Variants in SLC7A14 observed in about 807,000 individuals in gnomAD.
SLC7A14 encodes the protein solute carrier family 7 member 14.
SLC7A14 carries 37 observed loss-of-function variants against 60.2 expected under a neutral mutation model. That is an observed-to-expected ratio of 0.61 (90% CI 0.47 to 0.81). The LOEUF is 0.81. Among genes scored for constraint, SLC7A14 ranks in the 30% least tolerant of loss-of-function variants. The pLI, the probability that SLC7A14 is intolerant of heterozygous loss-of-function variation, is 0.00. For missense variants in SLC7A14, 886 were observed against 982.7 expected, an observed-to-expected ratio of 0.90 and a Z score of 1.32; for synonymous variants, 399 against 395.8, an observed-to-expected ratio of 1.01 and a Z score of -0.10.
chr3:170,473,028 A>C (rs1001591638), intron 7 of SLC7A14, among the ~76,000 whole-genome samples: 2 of 152,206 alleles, frequency 1.3e-5, no homozygotes, highest in African/African-American at 2.4e-5. Flanking sequence ...CTGTGTGATA[A>C]ATCAGTAATT....
intron 7 of SLC7A14, among the ~76,000 whole-genome samples, chr3:170,471,090 G>GTGTGTGTGTGTGTGTGTGTGT (rs1553864202): frequency 1.4e-5 from 2 of 146,356 alleles, no homozygotes; most frequent in African/African-American, 5.1e-5. Flanking sequence ...TCTGGGAAGG[G>GTGTGTGTGTGTGTGTGTGTGT]GTGTGTGTGT....
chr3:170,555,938 A>G (rs1236165406), intron 1 of SLC7A14, among the ~76,000 whole-genome samples: 1 of 152,168 alleles, frequency 6.6e-6, no homozygotes, highest in African/African-American at 2.4e-5. Context: ...AACATCTTTG[A>G]TGTTTGCTTA....
At chr3:170,568,689 G>A (rs1010403314) in intron 1 of SLC7A14, among the ~76,000 whole-genome samples, 4 of 152,146 alleles carry the variant, frequency 2.6e-5, no homozygotes, top group Admixed American at 6.5e-5. Context: ...ATTTCATTGA[G>A]CAGTGGTTTG....
At chr3:170,509,515 A>T (rs1049085829) in intron 2 of SLC7A14, among the ~76,000 whole-genome samples, 35 of 152,216 alleles carry the variant, frequency 2.3e-4, no homozygotes, top group Non-Finnish European at 4.6e-4. Flanking sequence ...TTGTTGATTA[A>T]ATGTAACCAA....
Position 170,480,363 on chromosome 3 carries a change from A to G in SLC7A14, c.1919T>C (p.Met640Thr). Residue 640 changes from methionine (M) to threonine (T), a missense_variant, in exon 7 of 8, where the codon ATG becomes ACG. Coordinates refer to ENST00000231706, the MANE Select transcript of SLC7A14 (RefSeq NM_020949.3). ...PCLPFVPAFA[M>T]LVNIYLMLKL... ...TAGCATGAGATAGATGTTCACCAGC[A>G]TGGCAAAGGCAGGCACAAAGGGGAG... The G allele has an allele frequency of 6.2e-7, 1 of 1,603,700 alleles. No individual in the cohort carries two copies. Among genetic ancestry groups the G allele is most frequent in the Non-Finnish European group, 8.5e-7 (1 of 1,174,536 alleles).
intron 4 of SLC7A14, among the ~76,000 whole-genome samples, chr3:170,487,614 A>C (rs576376133): frequency 6.6e-6 from 1 of 152,238 alleles, no homozygotes; most frequent in Non-Finnish European, 1.5e-5. Context: ...AATATGAAAT[A>C]CTAGAACCTG....
chr3:170,540,427 A>G (rs1713987641), intron 1 of SLC7A14, among the ~76,000 whole-genome samples: 2 of 152,102 alleles, frequency 1.3e-5, no homozygotes, highest in Admixed American at 1.3e-4. Context: ...TGCAACATAA[A>G]AGGTATATTT....
At position 170,532,445 on chromosome 3, in the gene SLC7A14, A is replaced by G. The variant is rs968890122; in HGVS notation, c.-152-5357T>C. Reference sequence around the variant, plus strand: ...ACAATTCAGGAACCAGGTGCCCTGCATGCAAATTCTGCCTCTGCCTTTACT... The same window carrying G: ...ACAATTCAGGAACCAGGTGCCCTGCGTGCAAATTCTGCCTCTGCCTTTACT... On this transcript the variant is annotated intron_variant, in intron 1 of 7. Coordinates refer to ENST00000231706, the MANE Select transcript of SLC7A14 (RefSeq NM_020949.3). The surrounding 1 kb of genome is among the most constrained non-coding windows in gnomAD (Gnocchi z 4.0). Among the ~76,000 whole-genome samples the G allele has an allele frequency of 2.6e-5, 4 of 152,200 alleles. No homozygotes were observed. Among genetic ancestry groups the G allele is most frequent in the Non-Finnish European group, 5.9e-5 (4 of 68,042 alleles).
chr3:170,513,281 G>T (rs947902198), intron 2 of SLC7A14, among the ~76,000 whole-genome samples: 1 of 151,864 alleles, frequency 6.6e-6, no homozygotes, highest in Admixed American at 6.6e-5. Flanking sequence ...AATAATCTTA[G>T]AAATGTTTTC....
intron 2 of SLC7A14, among the ~76,000 whole-genome samples, chr3:170,524,161 G>A (rs747102162): frequency 6.6e-6 from 1 of 152,166 alleles, no homozygotes; most frequent in Non-Finnish European, 1.5e-5. Context: ...TGATGTGCTG[G>A]TAAAGGTTTA....
At chr3:170,542,370 C>A (rs1714045214) in intron 1 of SLC7A14, among the ~76,000 whole-genome samples, 1 of 152,174 alleles carries the variant, frequency 6.6e-6, no homozygotes, top group Non-Finnish European at 1.5e-5. Flanking sequence ...TCAACAGGTC[C>A]ATCTCACAAA....
At chr3:170,482,208 C>T (rs1711854790) in intron 6 of SLC7A14, among the ~76,000 whole-genome samples, 1 of 152,182 alleles carries the variant, frequency 6.6e-6, no homozygotes, top group Non-Finnish European at 1.5e-5. Context: ...TCCTCCTGGT[C>T]CCTTATTTTT....
intron 1 of SLC7A14, among the ~76,000 whole-genome samples, chr3:170,584,744 G>T (rs776439072): frequency 6.6e-6 from 1 of 152,152 alleles, no homozygotes; most frequent in African/African-American, 2.4e-5. Context: ...GCACTCAGTC[G>T]GAGGAGGAGA....
chr3:170,515,636 G>A (rs73882031), intron 2 of SLC7A14, among the ~76,000 whole-genome samples: 3,300 of 151,854 alleles, frequency 0.022, 126 homozygotes, highest in African/African-American at 0.074. Context: ...GGGTGGGGGG[G>A]GAGTTGAGAC....
chr3:170,565,486 G>T (rs1010854325), intron 1 of SLC7A14, among the ~76,000 whole-genome samples: 3 of 152,320 alleles, frequency 2.0e-5, no homozygotes, highest in African/African-American at 7.2e-5. Context: ...GCTAGAACAA[G>T]ATTTGTGCAA....
chr3:170,498,979 AG>A lies in SLC7A14; in HGVS notation c.542-96del, dbSNP rs1349572773. On this transcript the variant is annotated intron_variant, in intron 3 of 7. Transcript: ENST00000231706. ...CCCACTGCATCCGTACTCAGCTTTA[AG>A]AAGGGCAGTAAACTGGGAGGCCGAG... The A allele has an allele frequency of 3.3e-6, 4 of 1,214,656 alleles. No homozygotes were observed. The African/African-American group carries it at 6.0e-5, about 18-fold the overall frequency. The allele number at this position is 1,214,656 out of a possible 1,614,324, so 75.2% of individuals were successfully genotyped here. A position where few individuals can be genotyped will look rare whatever the true frequency, so the allele number is the denominator to read the frequency against.
In SLC7A14 at chr3:170,460,543, A is replaced by G. The variant is rs1307971425; in HGVS notation, c.*6512T>C. 3.3e-5 allele frequency: 5 copies of G among 152,196 alleles called. No homozygotes were observed. In the East Asian group the frequency reaches 9.6e-4, roughly 29 times the overall value. The allele number at this position is 152,196 out of a possible 1,614,324, so 9.4% of individuals were successfully genotyped here. A position where few individuals can be genotyped will look rare whatever the true frequency, so the allele number is the denominator to read the frequency against. On this transcript the variant is annotated 3_prime_UTR_variant, in exon 8 of 8. Coordinates refer to ENST00000231706, the MANE Select transcript of SLC7A14 (RefSeq NM_020949.3). ...GTATCAGCAACTGCCAAGACCAATC[A>G]ATAGATGTGCATGGAACATTCTCTT...
Position 170,486,237 on chromosome 3 carries a change from C to T in SLC7A14, c.891G>A (p.Leu297=). 3 of 1,614,130 alleles carry T rather than the reference C, an allele frequency of 1.9e-6. No homozygotes were observed. The highest frequency in any genetic ancestry group is 2.5e-6 in the Non-Finnish European group (3 of 1,180,022). ...TGGTACTTACAGACACATATGCTGT[C>T]AGGCAGATGACCAGGGAGGCAGTGA... ...YAITASLVIC[L]TAYVSVSVIL... Residue 297 remains leucine, a synonymous_variant, in exon 5 of 8, where the codon CTG becomes CTA. Coordinates refer to ENST00000231706, the MANE Select transcript of SLC7A14 (RefSeq NM_020949.3).
At chr3:170,584,738 T>A (rs561614638) in intron 1 of SLC7A14, among the ~76,000 whole-genome samples, 1 of 152,224 alleles carries the variant, frequency 6.6e-6, no homozygotes, top group East Asian at 1.9e-4. Context: ...TTCCCTGCAC[T>A]CAGTCGGAGG....
Sources: gnomAD v4.1 joint callset for allele counts (sites outside exome capture counted in the v4.1 genomes callset) on GRCh38, gnomAD v4.1.1 for gene constraint, Gnocchi (gnomAD v3.1) non-coding constraint, MANE v1.5 for transcripts, NCBI Gene and HGNC (gene_info 2026-07-23, HGNC 2026-07-21) for gene names.